NELL1: variants seen among roughly 807,000 people sequenced by gnomAD.
The protein encoded by NELL1 is neural EGFL like 1.
A neutral mutation model predicts 107.4 loss-of-function variants in NELL1; 76 were observed. The ratio of observed to expected loss-of-function variants is 0.71; its 90% confidence interval spans 0.59 to 0.86. The LOEUF is 0.86. NELL1 is among the 40% of genes least tolerant of loss of function. The probability of loss-of-function intolerance (pLI) is 0.00; values close to 1 mark genes in which losing one functional copy is unlikely to be tolerated. For synonymous variants in NELL1, 353 were observed against 341.2 expected (o/e 1.03, Z -0.38); for missense variants, 1,024 against 1,005.5 (o/e 1.02, Z -0.25).
rs188130359 is a variant in NELL1, at chr11:21,052,738, A to G, written c.1301-60851A>G. Among the ~76,000 whole-genome samples, 319 of 152,238 alleles carry G rather than the reference A, an allele frequency of 2.1e-3. 2 individuals are homozygous for G. In the Middle Eastern group the frequency reaches 0.051, roughly 24 times the overall value. ...TGAGTGAGGAGAAGCCCCCACATCAAACCTTGCAGTAGAGCAATCCACTTC... is the reference window on the plus strand; with the variant it reads ...TGAGTGAGGAGAAGCCCCCACATCAGACCTTGCAGTAGAGCAATCCACTTC... On this transcript the variant is annotated intron_variant, in intron 12 of 19. Transcript: ENST00000357134.
intron 11 of NELL1, among the ~76,000 whole-genome samples, chr11:20,954,538 G>A (rs891708427): frequency 2.6e-5 from 4 of 152,160 alleles, no homozygotes; most frequent in African/African-American, 9.7e-5. Context: ...ATTTCCCTGC[G>A]GGCAGAGAAT....
intron 2 of NELL1, among the ~76,000 whole-genome samples, chr11:20,697,370 TGAG>T (rs1854646495): frequency 6.6e-6 from 1 of 150,632 alleles, no homozygotes; most frequent in Non-Finnish European, 1.5e-5. Context: ...AGAATATGCA[TGAG>T]TGCAAATTCT....
At chr11:20,781,109 G>A (rs999025185) in intron 2 of NELL1, among the ~76,000 whole-genome samples, 4 of 152,194 alleles carry the variant, frequency 2.6e-5, no homozygotes, top group African/African-American at 9.7e-5. Context: ...GCCCTAGGGA[G>A]CAATGATAGT....
intron 13 of NELL1, chr11:21,169,844 CCA>C (rs1288526232): frequency 7.1e-7 from 1 of 1,414,240 alleles, no homozygotes; most frequent in East Asian, 2.3e-5. Context: ...TGCTTGCACC[CCA>C]GAGTCCCCCC....
rs552633066 is a variant in NELL1, at chr11:20,956,595, G to A, written c.1172-3837G>A. On this transcript the variant is annotated intron_variant, in intron 11 of 19. Transcript: ENST00000357134. ...CGGGAGGCAGAGCTTGCAGTGAGCT[G>A]AGATCACGCCACTGCACTCCAGCCT... Among the ~76,000 whole-genome samples the A allele has an allele frequency of 6.0e-5, 9 of 149,590 alleles. No homozygotes were observed. The East Asian group carries it at 1.4e-3, about 23-fold the overall frequency.
intron 15 of NELL1, among the ~76,000 whole-genome samples, chr11:21,443,867 G>GA (rs72097421): frequency 0.49 from 71,364 of 146,146 alleles, 18,347 homozygotes; most frequent in African/African-American, 0.68. Flanking sequence ...CAAAGAAAAA[G>GA]AAAAAAAAAA....
intron 2 of NELL1, among the ~76,000 whole-genome samples, chr11:20,699,481 C>T (rs1854714897): frequency 6.6e-6 from 1 of 152,058 alleles, no homozygotes; most frequent in East Asian, 1.9e-4. Flanking sequence ...CTGCCTTAGC[C>T]TCCCCAGCAG....
chr11:21,198,939 G>A (rs960204398), intron 13 of NELL1, among the ~76,000 whole-genome samples: 8 of 152,110 alleles, frequency 5.3e-5, no homozygotes, highest in African/African-American at 9.7e-5. Context: ...TGTTATCTGG[G>A]ATTAGAATGG....
chr11:21,298,178 T>G (rs192248672), intron 14 of NELL1, among the ~76,000 whole-genome samples: 2 of 152,162 alleles, frequency 1.3e-5, no homozygotes, highest in East Asian at 3.9e-4. Flanking sequence ...TTACATTGGT[T>G]AATTAACCTG....
chr11:20,682,986 T>A (rs1854225793), intron 2 of NELL1, among the ~76,000 whole-genome samples: 1 of 152,048 alleles, frequency 6.6e-6, no homozygotes, highest in Non-Finnish European at 1.5e-5. Flanking sequence ...TAATTTGTGT[T>A]TTTTCATCAG....
At chr11:21,414,540 C>T (rs1017903229) in intron 15 of NELL1, among the ~76,000 whole-genome samples, 3 of 147,452 alleles carry the variant, frequency 2.0e-5, no homozygotes, top group African/African-American at 5.0e-5. Context: ...ACTCTCCCTC[C>T]GGTGTACTAC....
intron 2 of NELL1, among the ~76,000 whole-genome samples, chr11:20,699,964 T>C (rs942201796): frequency 6.6e-6 from 1 of 152,186 alleles, no homozygotes; most frequent in African/African-American, 2.4e-5. Flanking sequence ...GTTTTTAAAC[T>C]ATGGCCATTC....
chr11:21,066,163 G>A (rs902335821), intron 12 of NELL1, among the ~76,000 whole-genome samples: 1 of 152,294 alleles, frequency 6.6e-6, no homozygotes, highest in African/African-American at 2.4e-5. Flanking sequence ...GATGAATGAT[G>A]ACACCTTTTT....
chr11:21,327,748 A>C (rs902095600), intron 14 of NELL1, among the ~76,000 whole-genome samples: 1 of 152,126 alleles, frequency 6.6e-6, no homozygotes, highest in African/African-American at 2.4e-5. Flanking sequence ...TTTGACCAAA[A>C]TGCTAGTAAT....
At chr11:20,833,388 C>T (rs1858054925) in intron 3 of NELL1, among the ~76,000 whole-genome samples, 4 of 152,132 alleles carry the variant, frequency 2.6e-5, no homozygotes. Flanking sequence ...TGCAATGTCA[C>T]AACCCTTTGT....
At chr11:20,720,463 T>C (rs1855354756) in intron 2 of NELL1, among the ~76,000 whole-genome samples, 1 of 152,148 alleles carries the variant, frequency 6.6e-6, no homozygotes, top group Non-Finnish European at 1.5e-5. Flanking sequence ...TGCCTCAGCC[T>C]CCCAAAGTGC....
intron 2 of NELL1, among the ~76,000 whole-genome samples, chr11:20,695,588 G>C (rs1792982): frequency 0.85 from 128,915 of 152,122 alleles, 55,044 homozygotes; most frequent in Non-Finnish European, 0.87. Context: ...TGTGGTGAAT[G>C]ACATTTATTG....
chr11:21,240,106 T>G (rs1281893954), intron 14 of NELL1, among the ~76,000 whole-genome samples: 1 of 152,040 alleles, frequency 6.6e-6, no homozygotes, highest in African/African-American at 2.4e-5. Context: ...AGAGCAATCA[T>G]TCCTCTACCA....
intron 12 of NELL1, among the ~76,000 whole-genome samples, chr11:20,996,831 G>T (rs182916379): frequency 9.9e-5 from 15 of 152,008 alleles, no homozygotes; most frequent in African/African-American, 3.6e-4. Flanking sequence ...ACCCATCTCC[G>T]TAAAACTGAA....
Sources: gnomAD v4.1 joint callset for allele counts (sites outside exome capture counted in the v4.1 genomes callset) on GRCh38, gnomAD v4.1.1 for gene constraint, MANE v1.5 for transcripts, NCBI Gene and HGNC (gene_info 2026-07-23, HGNC 2026-07-21) for gene names.